MTFMT: variants seen among roughly 807,000 people sequenced by gnomAD.
MTFMT encodes the protein methionyl-tRNA formyltransferase, mitochondrial.
A neutral mutation model predicts 51.8 loss-of-function variants in MTFMT; 47 were observed. That is an observed-to-expected ratio of 0.91 (90% CI 0.72 to 1.16). MTFMT has a LOEUF of 1.16. MTFMT is among the 50% of genes most tolerant of loss of function. MTFMT has a pLI of 0.00. For missense variants in MTFMT, 512 were observed against 482.3 expected (o/e 1.06, Z -0.58); for synonymous variants, 196 against 176.7 (o/e 1.11, Z -0.87).
chr15:65,028,770 G>A (rs2086451969), intron 1 of MTFMT, among the ~76,000 whole-genome samples: 1 of 152,102 alleles, frequency 6.6e-6, no homozygotes, highest in African/African-American at 2.4e-5. Context: ...AGGACTGGTT[G>A]GATTTCAAAT....
chr15:65,027,550 C>G (rs540189943), intron 1 of MTFMT, among the ~76,000 whole-genome samples: 2 of 152,122 alleles, frequency 1.3e-5, no homozygotes, highest in African/African-American at 4.8e-5. Context: ...AAGAGTGACA[C>G]GTGGCTAGTG....
Position 65,003,056 on chromosome 15 carries a change from T to C in MTFMT, c.*6A>G. 1 of 1,501,012 alleles carries C rather than the reference T, an allele frequency of 6.7e-7. No individual in the cohort carries two copies. The highest frequency in any genetic ancestry group is 8.9e-7 in the Non-Finnish European group (1 of 1,118,632). 93.0% of individuals were successfully genotyped at this position (1,501,012 alleles called of 1,614,324 possible). ...TGTAATAGGTTTTTATCCATCTTCT[T>C]CCTAACTACTCAATGCATTGTTGCA... On this transcript the variant is annotated 3_prime_UTR_variant, in exon 9 of 9. Coordinates refer to ENST00000220058, the MANE Select transcript of MTFMT (RefSeq NM_139242.4).
At position 65,021,525 on chromosome 15, in the gene MTFMT, CCA is replaced by C; in HGVS notation, c.632_633del (p.Leu211ArgfsTer14). On this transcript the variant is annotated frameshift_variant, in exon 4 of 9. Transcript: ENST00000220058. LOFTEE classifies it high-confidence loss of function. ...AKELEAVLSR[L>X]GANMLISVLK... Reference sequence around the variant, plus strand: ...TTGGGGAATTATACCATGTTGGCACCCAGTCTTGACAACACTGCTTCCAATTC... The same window carrying C: ...TTGGGGAATTATACCATGTTGGCACCGTCTTGACAACACTGCTTCCAATTC... 3 of 1,608,494 alleles carry C rather than the reference CCA, an allele frequency of 1.9e-6. No individual in the cohort carries two copies. Among genetic ancestry groups the C allele is most frequent in the Non-Finnish European group, 2.6e-6 (3 of 1,175,610 alleles).
chr15:65,023,941 A>G, intron 2 of MTFMT, 147 bp from the exon 3 acceptor site: 1 of 626,560 alleles, frequency 1.6e-6, no homozygotes, highest in Non-Finnish European at 2.6e-6. Flanking sequence ...TATCACCTGA[A>G]AGGAAAAAAG....
intron 6 of MTFMT, among the ~76,000 whole-genome samples, chr15:65,012,128 T>G (rs2086272908): frequency 1.9e-5 from 1 of 53,540 alleles, no homozygotes; most frequent in Non-Finnish European, 3.3e-5. Context: ...GGCACTCTTG[T>G]CAAAAAAAAA....
At chr15:65,025,519 T>C (rs934149853) in intron 2 of MTFMT, among the ~76,000 whole-genome samples, 12 of 152,156 alleles carry the variant, frequency 7.9e-5, no homozygotes, top group Non-Finnish European at 1.6e-4. Flanking sequence ...TGTAGTAATG[T>C]AGGCGAGAGT....
chr15:65,003,311 A>G (rs751970002), intron 8 of MTFMT, 55 bp from the exon 9 acceptor site: 8 of 1,352,478 alleles, frequency 5.9e-6, no homozygotes, highest in Non-Finnish European at 7.2e-6. Flanking sequence ...CTAAAAAGCC[A>G]AGTAAATATT....
intron 5 of MTFMT, among the ~76,000 whole-genome samples, chr15:65,018,910 C>G (rs910234215): frequency 6.6e-6 from 1 of 152,116 alleles, no homozygotes; most frequent in Non-Finnish European, 1.5e-5. Flanking sequence ...GCCCCTGTCC[C>G]CATTTTAGGA....
In MTFMT at chr15:65,001,953, T is replaced by A. The variant is rs1234239838; in HGVS notation, c.*1109A>T. The A allele has an allele frequency of 6.6e-6, 1 of 152,200 alleles. No homozygotes were observed. The highest frequency in any genetic ancestry group is 1.5e-5 in the Non-Finnish European group (1 of 68,028). 9.4% of individuals were successfully genotyped at this position (152,200 alleles called of 1,614,324 possible). Reference sequence around the variant, plus strand: ...GTGGCAGAGATTATTAAATATTACCTACGTTTACTACTTGGTTAAATCTAG... The same window carrying A: ...GTGGCAGAGATTATTAAATATTACCAACGTTTACTACTTGGTTAAATCTAG... On this transcript the variant is annotated 3_prime_UTR_variant, in exon 9 of 9. Transcript: ENST00000220058.
chr15:65,006,619 G>A (rs963028051), intron 6 of MTFMT, among the ~76,000 whole-genome samples: 4 of 151,852 alleles, frequency 2.6e-5, no homozygotes, highest in South Asian at 2.1e-4. Context: ...CTCATGATCC[G>A]CCCGCCTTAG....
chr15:65,004,839 T>G lies in MTFMT; in HGVS notation c.975+15A>C, dbSNP rs1015091235. 1.3e-6 allele frequency: 2 copies of G among 1,538,356 alleles called. No homozygotes were observed. The highest frequency in any genetic ancestry group is 2.8e-5 in the African/African-American group (2 of 72,482). The stretch of plus-strand genomic sequence containing the variant: ...TAAAACAACTATGATAACTTGAAAC[T>G]AATGAAAAACATACCTTGCAATAAA... On this transcript the variant is annotated intron_variant, in intron 8 of 8. Transcript: ENST00000220058.
chr15:65,025,682 T>C (rs551774930), intron 2 of MTFMT, among the ~76,000 whole-genome samples: 7 of 152,304 alleles, frequency 4.6e-5, no homozygotes, highest in Admixed American at 1.3e-4. Context: ...GGAGTAGCCA[T>C]TTATTGAGAT....
At chr15:65,028,993 G>A (rs985418848) in intron 1 of MTFMT, among the ~76,000 whole-genome samples, 1 of 152,152 alleles carries the variant, frequency 6.6e-6, no homozygotes, top group Admixed American at 6.5e-5. Flanking sequence ...ACTTTGAAGT[G>A]GGACCTGGTT....
rs2086199512 is a variant in MTFMT at position 65,003,866 on chromosome 15, A to AAG, written c.976-611_976-610insCT. Among the ~76,000 whole-genome samples, 11 of 147,844 alleles carry AAG rather than the reference A, an allele frequency of 7.4e-5. No homozygotes were observed. In the East Asian group the frequency reaches 2.2e-3, roughly 29 times the overall value. On this transcript the variant is annotated intron_variant, in intron 8 of 8. Coordinates refer to ENST00000220058, the MANE Select transcript of MTFMT (RefSeq NM_139242.4). ...ATCTCAAAAAAAAAAAAAAAAAAAAAGGGAAATACATATATATAGACCCAG... is the reference window on the plus strand; with the variant it reads ...ATCTCAAAAAAAAAAAAAAAAAAAAAAGGGGAAATACATATATATAGACCCAG...
intron 6 of MTFMT, among the ~76,000 whole-genome samples, chr15:65,008,484 T>C (rs753029137): frequency 1.3e-5 from 2 of 152,200 alleles, no homozygotes; most frequent in Non-Finnish European, 1.5e-5. Context: ...CTCTATTTCA[T>C]ACATGAAGAG....
intron 2 of MTFMT, among the ~76,000 whole-genome samples, chr15:65,024,361 T>A (rs2086403106): frequency 6.6e-6 from 1 of 152,194 alleles, no homozygotes; most frequent in Admixed American, 6.5e-5. Context: ...TGGGAGTTTT[T>A]AAATAAAATT....
At position 65,016,542 on chromosome 15, in the gene MTFMT, C is replaced by A. The variant is rs1049866186; in HGVS notation, c.722-15G>T. On this transcript the variant is annotated splice_polypyrimidine_tract_variant and intron_variant, in intron 5 of 8. Coordinates refer to ENST00000220058, the MANE Select transcript of MTFMT (RefSeq NM_139242.4). ...AATCTTAGGGGCTACAAGATAAAACCAAGAGCAAAAATGAACATCAGGGTC... is the reference window on the plus strand; with the variant it reads ...AATCTTAGGGGCTACAAGATAAAACAAAGAGCAAAAATGAACATCAGGGTC... The A allele has an allele frequency of 1.3e-6, 2 of 1,569,682 alleles. No homozygotes were observed. The highest frequency in any genetic ancestry group is 2.7e-5 in the African/African-American group (2 of 73,870).
intron 8 of MTFMT, among the ~76,000 whole-genome samples, chr15:65,004,330 T>A (rs2086204974): frequency 1.3e-5 from 2 of 152,052 alleles, no homozygotes; most frequent in East Asian, 3.9e-4. Context: ...CACTCTTAAG[T>A]ATGAAATATC....
chr15:65,010,327 A>G (rs1566940310), intron 6 of MTFMT, among the ~76,000 whole-genome samples: 1 of 149,940 alleles, frequency 6.7e-6, no homozygotes, highest in Non-Finnish European at 1.5e-5. Flanking sequence ...TTTCTTGCCT[A>G]ATTTTTAGAA....
Sources: allele counts gnomAD v4.1 joint callset (sites outside exome capture counted in the v4.1 genomes callset), GRCh38; gene constraint gnomAD v4.1.1; transcripts MANE v1.5; gene names NCBI Gene and HGNC (gene_info 2026-07-23, HGNC 2026-07-21).